ASB4: variants seen among roughly 807,000 people sequenced by gnomAD.
ASB4 encodes ankyrin repeat and SOCS box containing 4, also known as ankyrin repeat and SOCS box protein 4.
Under a neutral mutation model 38.6 loss-of-function variants are expected in ASB4, and 35 were observed. That is an observed-to-expected ratio of 0.91 (90% CI 0.69 to 1.20). The LOEUF (loss-of-function observed/expected upper bound fraction) is 1.20, where lower values mean the gene tolerates loss of function less well. ASB4 is among the 50% of genes most tolerant of loss of function. ASB4 has a pLI of 0.00. For missense variants in ASB4, 557 were observed against 527.2 expected (o/e 1.06, Z -0.55); for synonymous variants, 195 against 201.3 (o/e 0.97, Z 0.26).
chr7:95,519,191 G>C (rs1245600426), intron 2 of ASB4, among the ~76,000 whole-genome samples: 1 of 152,074 alleles, frequency 6.6e-6, no homozygotes, highest in Non-Finnish European at 1.5e-5. Context: ...ATTGAAACTA[G>C]AAAAAAGCAA....
intron 2 of ASB4, among the ~76,000 whole-genome samples, chr7:95,524,244 T>C (rs922853175): frequency 6.6e-6 from 1 of 152,122 alleles, no homozygotes; most frequent in Non-Finnish European, 1.5e-5. Flanking sequence ...CCATCTACAG[T>C]TGAATGGATA....
chr7:95,493,405 T>C (rs1790202256), intron 1 of ASB4, among the ~76,000 whole-genome samples: 1 of 151,154 alleles, frequency 6.6e-6, no homozygotes, highest in Non-Finnish European at 1.5e-5. Flanking sequence ...TGTGTGTGTG[T>C]GTATAGCTAG....
chr7:95,521,013 G>T (rs1363832132), intron 2 of ASB4, among the ~76,000 whole-genome samples: 2 of 151,644 alleles, frequency 1.3e-5, no homozygotes, highest in Non-Finnish European at 2.9e-5. Context: ...TGCAAATTTT[G>T]TGGGGAAAAA....
chr7:95,485,763 A>C, upstream of ASB4: 1 of 483,980 alleles, frequency 2.1e-6, no homozygotes, highest in Admixed American at 3.4e-5. Flanking sequence ...TGGATCAGTT[A>C]ATATATAACC....
At chr7:95,482,830 T>G (rs1790031950), upstream of ASB4, among the ~76,000 whole-genome samples, 1 of 152,166 alleles carries the variant, frequency 6.6e-6, no homozygotes, top group Admixed American at 6.5e-5. Flanking sequence ...TACTCAGCCC[T>G]CCTCACACAC....
intron 3 of ASB4, among the ~76,000 whole-genome samples, chr7:95,531,811 ATCTCC>A: frequency 6.6e-6 from 1 of 152,148 alleles, no homozygotes; most frequent in East Asian, 1.9e-4. Context: ...CAGCATAAGC[ATCTCC>A]CCTGCTGGCT....
At chr7:95,528,773 T>A in intron 3 of ASB4, 1 of 799,448 alleles carries the variant, frequency 1.3e-6, no homozygotes, top group Non-Finnish European at 1.5e-6. Flanking sequence ...ATTTATTATG[T>A]ATAATAAATA....
intron 3 of ASB4, among the ~76,000 whole-genome samples, chr7:95,535,847 G>C (rs1790882623): frequency 6.6e-6 from 1 of 152,130 alleles, no homozygotes; most frequent in Non-Finnish European, 1.5e-5. Flanking sequence ...AGATAACTTG[G>C]CTCAACTTGC....
upstream of ASB4, among the ~76,000 whole-genome samples, chr7:95,482,128 G>T (rs1048575163): frequency 2.0e-5 from 3 of 152,186 alleles, no homozygotes; most frequent in African/African-American, 7.2e-5. Flanking sequence ...TAATCTGTAA[G>T]TTTTATCCTT....
chr7:95,474,591 G>T (rs1035701001), upstream of ASB4, among the ~76,000 whole-genome samples: 1 of 152,066 alleles, frequency 6.6e-6, no homozygotes, highest in Non-Finnish European at 1.5e-5. Context: ...GTGCAATCAC[G>T]GCTCACTGCA....
chr7:95,546,478 A>G, the ASB4 span, among the ~76,000 whole-genome samples: 5 of 152,012 alleles, frequency 3.3e-5, no homozygotes, highest in Admixed American at 6.6e-5. Flanking sequence ...CTGTGTCTGT[A>G]TCTTATTTTG....
At chr7:95,514,171 C>A (rs1790523332) in intron 2 of ASB4, among the ~76,000 whole-genome samples, 1 of 152,120 alleles carries the variant, frequency 6.6e-6, no homozygotes, top group African/African-American at 2.4e-5. Context: ...TTTTTGAATA[C>A]AGGTCTCTCA....
At chr7:95,486,395 CCAGA>C (rs1384294531) in intron 1 of ASB4, among the ~76,000 whole-genome samples, 1 of 152,066 alleles carries the variant, frequency 6.6e-6, no homozygotes, top group East Asian at 1.9e-4. Context: ...ACTTGAAATC[CCAGA>C]CAATCATTTT....
chr7:95,471,460 A>G, the ASB4 span, among the ~76,000 whole-genome samples: 2 of 152,240 alleles, frequency 1.3e-5, no homozygotes, highest in African/African-American at 2.4e-5. Flanking sequence ...GACTCCAGGT[A>G]TATTTTAAAA....
At chr7:95,490,448 T>C (rs905606690) in intron 1 of ASB4, among the ~76,000 whole-genome samples, 1 of 152,224 alleles carries the variant, frequency 6.6e-6, no homozygotes, top group Non-Finnish European at 1.5e-5. Context: ...TATTAAAAAA[T>C]AGCCAAGAAT....
intron 2 of ASB4, 136 bp downstream of exon 2, chr7:95,496,193 A>G (rs1790245947): frequency 2.8e-6 from 2 of 710,298 alleles, no homozygotes. Flanking sequence ...GCCCTAAAAA[A>G]TACATAGTTC....
chr7:95,534,085 C>G (rs1040376089), intron 3 of ASB4, among the ~76,000 whole-genome samples: 1 of 148,848 alleles, frequency 6.7e-6, no homozygotes, highest in Admixed American at 6.7e-5. Context: ...TGGCTTACAC[C>G]TGTAATCCCA....
intron 2 of ASB4, among the ~76,000 whole-genome samples, chr7:95,510,231 G>A (rs1790461714): frequency 6.6e-6 from 1 of 152,082 alleles, no homozygotes; most frequent in Middle Eastern, 3.2e-3. Context: ...CAAGGCAATC[G>A]TTTATCCCCA....
intron 2 of ASB4, among the ~76,000 whole-genome samples, chr7:95,522,361 G>A (rs571041750): frequency 6.6e-5 from 10 of 151,962 alleles, no homozygotes; most frequent in Non-Finnish European, 5.9e-5. Context: ...CTATCAGTTC[G>A]AATATGTAGC....
Sources: gnomAD v4.1 joint callset for allele counts (sites outside exome capture counted in the v4.1 genomes callset) on GRCh38, gnomAD v4.1.1 for gene constraint, MANE v1.5 for transcripts, NCBI Gene and HGNC (gene_info 2026-07-23, HGNC 2026-07-21) for gene names.